The following KIF1B variants were observed in gnomAD, a reference collection of about 807,000 sequenced individuals.
The protein encoded by KIF1B is kinesin family member 1B.
Under a neutral mutation model 241.9 loss-of-function variants are expected in KIF1B, and 76 were observed. That is an observed-to-expected ratio of 0.31 (90% CI 0.26 to 0.38). KIF1B has a LOEUF of 0.38. KIF1B is among the 10% of genes least tolerant of loss of function. The probability of loss-of-function intolerance (pLI) is 1.00; values close to 1 mark genes in which losing one functional copy is unlikely to be tolerated. For missense variants in KIF1B, 1,622 were observed against 2,271.4 expected (o/e 0.71, Z 5.81); for synonymous variants, 750 against 796.7 (o/e 0.94, Z 0.99).
At chr1:10,300,279 T>TA (rs1650476545) in intron 22 of KIF1B, among the ~76,000 whole-genome samples, 1 of 147,660 alleles carries the variant, frequency 6.8e-6, no homozygotes, top group Admixed American at 6.8e-5. Flanking sequence ...TAGATAAATA[T>TA]AAAAAATTCT....
Position 10,348,689 on chromosome 1 carries a change from A to T in KIF1B, c.3905A>T (p.Lys1302Met). ...RRITVTIIHEKGSELHWKDVR... is the reference protein window; with the variant it reads ...RRITVTIIHEMGSELHWKDVR... ...ATCACAGTGACCATTATCCATGAGA[A>T]GGGGAGCGAGCTCCATTGGAAAGAT... The change falls in exon 37 of 49, where the codon AAG becomes ATG. Residue 1302 changes from lysine (K) to methionine (M), a missense_variant. By Grantham distance (95) the Lys-to-Met change is moderately conservative (BLOSUM62 -1). Around this residue, in one of 7 missense-constraint regions of KIF1B, gnomAD observed 803 missense variants for 1,112.0 expected, o/e 0.72. Transcript: ENST00000676179. 6.2e-7 allele frequency: 1 copy of T among 1,614,158 alleles called. No individual in the cohort carries two copies. The highest frequency in any genetic ancestry group is 8.5e-7 in the Non-Finnish European group (1 of 1,179,992).
chr1:10,280,003 A>G (rs555548290), intron 14 of KIF1B, among the ~76,000 whole-genome samples: 18 of 152,154 alleles, frequency 1.2e-4, no homozygotes, highest in African/African-American at 4.1e-4. Context: ...ACACCCAACC[A>G]TTCCTCTTTT....
At position 10,256,431 on chromosome 1, in the gene KIF1B, G is replaced by C. The variant is rs183030364; in HGVS notation, c.183+108G>C. 106 of 792,460 alleles carry C rather than the reference G, an allele frequency of 1.3e-4. No individual in the cohort carries two copies. The East Asian group carries it at 2.6e-3, about 19-fold the overall frequency. 49.1% of individuals were successfully genotyped at this position (792,460 alleles called of 1,614,324 possible). On this transcript the variant is annotated intron_variant, in intron 3 of 48. Coordinates refer to ENST00000676179, the MANE Select transcript of KIF1B (RefSeq NM_001365951.3). ...CAGATCCAAGTTTTGCTTCTTAACT[G>C]TTGTGTAGCATGAGTTCATTCTTTG...
chr1:10,305,683 A>C, intron 22 of KIF1B: 1 of 1,058,078 alleles, frequency 9.5e-7, no homozygotes, highest in South Asian at 4.6e-5. Flanking sequence ...GCTTGTAGAC[A>C]CTCAAACAAG....
In KIF1B at chr1:10,326,772, AG is replaced by A. The variant is rs1651738800; in HGVS notation, c.2924+418del. 6.6e-6 allele frequency among the ~76,000 whole-genome samples: 1 copy of A among 152,132 alleles called. No homozygotes were observed. The highest frequency in any genetic ancestry group is 2.4e-5 in the African/African-American group (1 of 41,432). ...AAAGCATATGGAGGTAACATGAGAG[AG>A]GGGGCAGAGTGAGGCCAAGGTTTGG... is the stretch of plus-strand genomic sequence containing the variant. On this transcript the variant is annotated intron_variant, in intron 27 of 48. Transcript: ENST00000676179. This position sits in a 1 kb window ranked among gnomAD's most constrained non-coding sequence, Gnocchi z 5.2.
In KIF1B at chr1:10,303,271, A is replaced by G; in HGVS notation, c.2115+6025A>G. ...GCTACCTCCCAGCAAGTTGCAAACC[A>G]TTGTTAAAAAATGTGGCCTCCCAAG... On this transcript the variant is annotated intron_variant, in intron 22 of 48. Coordinates refer to ENST00000676179, the MANE Select transcript of KIF1B (RefSeq NM_001365951.3). This position sits in a 1 kb window ranked among gnomAD's most constrained non-coding sequence, Gnocchi z 5.2. 1.2e-6 allele frequency: 2 copies of G among 1,614,206 alleles called. No homozygotes were observed. Among genetic ancestry groups the G allele is most frequent in the East Asian group, 2.2e-5 (1 of 44,890 alleles).
intron 40 of KIF1B, among the ~76,000 whole-genome samples, chr1:10,362,301 C>A (rs1348641108): frequency 6.6e-6 from 1 of 150,926 alleles, no homozygotes; most frequent in Non-Finnish European, 1.5e-5. Context: ...GCAACACAGA[C>A]CCCATCTCCA....
chr1:10,282,103 A>C (rs748689263), intron 14 of KIF1B, among the ~76,000 whole-genome samples: 1 of 152,210 alleles, frequency 6.6e-6, no homozygotes, highest in Non-Finnish European at 1.5e-5. Flanking sequence ...TAAATGCAGA[A>C]ATGATTCTGA....
chr1:10,259,340 G>T (rs1386572669), intron 4 of KIF1B, among the ~76,000 whole-genome samples: 1 of 151,380 alleles, frequency 6.6e-6, no homozygotes, highest in Non-Finnish European at 1.5e-5. Flanking sequence ...TTTGAGACAG[G>T]GTCTCACTCT....
intron 26 of KIF1B, 75 bp downstream of exon 26, chr1:10,324,970 T>A: frequency 6.4e-7 from 1 of 1,564,318 alleles, no homozygotes; most frequent in Non-Finnish European, 8.8e-7. Flanking sequence ...GAGCAGATAA[T>A]ATAAAAAGTT....
intron 15 of KIF1B, among the ~76,000 whole-genome samples, chr1:10,290,004 G>A (rs1649910660): frequency 1.3e-5 from 2 of 152,162 alleles, no homozygotes; most frequent in African/African-American, 4.8e-5. Context: ...GTGCCTTGAA[G>A]AAGGCTTGAT....
rs1194072644 is a variant in KIF1B at position 10,337,546 on chromosome 1, T to C, written c.3422+13T>C. On this transcript the variant is annotated intron_variant, in intron 31 of 48. Transcript: ENST00000676179. The surrounding 1 kb of genome is among the most constrained non-coding windows in gnomAD (Gnocchi z 4.0). ...TCTGTCAGTTCAAGTAAGCTGCCCC[T>C]TTGCTCTGCCTCCCAGCTAGCTGCT... The C allele has an allele frequency of 1.9e-6, 3 of 1,614,096 alleles. No individual in the cohort carries two copies. Among genetic ancestry groups the C allele is most frequent in the Non-Finnish European group, 2.5e-6 (3 of 1,180,024 alleles).
At chr1:10,376,297 G>A (rs1638886565) in intron 48 of KIF1B, among the ~76,000 whole-genome samples, 1 of 152,052 alleles carries the variant, frequency 6.6e-6, no homozygotes, top group African/African-American at 2.4e-5. Flanking sequence ...TCTAAAGATG[G>A]GGCTCAGGGG....
chr1:10,258,886 A>G (rs568473932), intron 4 of KIF1B, among the ~76,000 whole-genome samples: 23 of 152,330 alleles, frequency 1.5e-4, no homozygotes, highest in African/African-American at 5.3e-4. Flanking sequence ...TGGGAAAGTC[A>G]GTGTTTTGTA....
intron 1 of KIF1B, among the ~76,000 whole-genome samples, chr1:10,220,146 G>T (rs561279717): frequency 2.0e-5 from 3 of 151,206 alleles, no homozygotes; most frequent in African/African-American, 7.3e-5. Context: ...AGGTTACGGT[G>T]AGCCGAGATC....
At position 10,378,092 on chromosome 1, in the gene KIF1B, G is replaced by T; in HGVS notation, c.*1505G>T. On this transcript the variant is annotated 3_prime_UTR_variant, in exon 49 of 49. Transcript: ENST00000676179. ...GCTTGTCAGGTTGAAGATGCTTTCA[G>T]TGATGCTCTCTATACTCATAAATAA... The T allele has an allele frequency of 2.0e-6, 1 of 501,134 alleles. No homozygotes were observed. Among genetic ancestry groups the T allele is most frequent in the East Asian group, 3.2e-5 (1 of 31,664 alleles). The allele number at this position is 501,134 out of a possible 1,614,324, so 31.0% of individuals were successfully genotyped here.
rs138383939 is a variant in KIF1B at position 10,351,052 on chromosome 1, C to A, written c.3950-1579C>A. Among the ~76,000 whole-genome samples, 1,123 of 125,836 alleles carry A rather than the reference C, an allele frequency of 8.9e-3. 10 individuals are homozygous for A. Among genetic ancestry groups the A allele is most frequent in the African/African-American group, 0.033 (1,052 of 32,058 alleles). 82.6% of individuals were successfully genotyped at this position (125,836 alleles called of 152,430 possible). A position where few individuals can be genotyped will look rare whatever the true frequency, so the allele number is the denominator to read the frequency against. On this transcript the variant is annotated intron_variant, in intron 37 of 48. Transcript: ENST00000676179. ...GCAGTGAACCATGATCATGCCACTG[C>A]ATGACAGAACAAGACCCTGTCAAAA... is the stretch of plus-strand genomic sequence containing the variant.
intron 22 of KIF1B, 21 bp from the exon 23 acceptor site, chr1:10,320,022 A>G (rs1165001636): frequency 4.6e-6 from 7 of 1,536,588 alleles, no homozygotes; most frequent in South Asian, 2.2e-5. Context: ...CCTACATGTT[A>G]TCTCCTTTCT....
chr1:10,310,568 A>T (rs569537409), intron 22 of KIF1B, among the ~76,000 whole-genome samples: 1 of 151,762 alleles, frequency 6.6e-6, no homozygotes, highest in Admixed American at 6.5e-5. Context: ...AGTGGGCTGG[A>T]TCTAGCCCGA....
Sources: gnomAD v4.1 joint callset for allele counts (sites outside exome capture counted in the v4.1 genomes callset) on GRCh38, gnomAD v4.1.1 for gene constraint, gnomAD v4.1.1 regional missense constraint, Gnocchi (gnomAD v3.1) non-coding constraint, MANE v1.5 for transcripts, NCBI Gene and HGNC (gene_info 2026-07-23, HGNC 2026-07-21) for gene names.